ITGB2: variants seen among roughly 807,000 people sequenced by gnomAD.
ITGB2 encodes the protein integrin beta-2.
ITGB2 carries 56 observed loss-of-function variants against 86.8 expected under a neutral mutation model. That is an observed-to-expected ratio of 0.65 (90% CI 0.52 to 0.81). The LOEUF is 0.81. Among genes scored for constraint, ITGB2 ranks in the 30% least tolerant of loss-of-function variants. The pLI is 0.00. For missense variants in ITGB2, 948 were observed against 1,061.2 expected, an observed-to-expected ratio of 0.89 and a Z score of 1.48; for synonymous variants, 457 against 450.4, an observed-to-expected ratio of 1.01 and a Z score of -0.19.
intron 15 of ITGB2, 60 bp downstream of exon 15, chr21:44,886,676 G>A: frequency 6.2e-7 from 1 of 1,606,176 alleles, no homozygotes. Context: ...GCAGCAGGAG[G>A]TCGCATAGTG....
At chr21:44,910,515 C>T (rs367667976) in intron 2 of ITGB2, 143 bp from the exon 3 acceptor site, 1 of 1,527,016 alleles carries the variant, frequency 6.5e-7, no homozygotes, top group Non-Finnish European at 8.9e-7. Flanking sequence ...GCCACCACCC[C>T]CAGGTGCAAA....
At chr21:44,898,825 G>A (rs889624557) in intron 8 of ITGB2, among the ~76,000 whole-genome samples, 2 of 152,252 alleles carry the variant, frequency 1.3e-5, no homozygotes, top group African/African-American at 4.8e-5. Context: ...GCCAAGACAT[G>A]CTGTTAACAC....
intron 13 of ITGB2, 65 bp downstream of exon 13, chr21:44,889,211 G>T: frequency 6.6e-7 from 1 of 1,523,198 alleles, no homozygotes; most frequent in Non-Finnish European, 9.1e-7. Flanking sequence ...AGTGAGCCCG[G>T]CTGCTGGGTA....
In ITGB2 at chr21:44,889,323, A is replaced by G; in HGVS notation, c.1830T>C (p.Pro610=). 6.2e-7 allele frequency: 1 copy of G among 1,612,806 alleles called. No homozygotes were observed. Among genetic ancestry groups the G allele is most frequent in the Non-Finnish European group, 8.5e-7 (1 of 1,179,838 alleles). ...GGCAGCCGGGGCACTCCTGGCACAGAGGCAGCTGGTAGCCTGAATGGCACT... is the reference window on the plus strand; with the variant it reads ...GGCAGCCGGGGCACTCCTGGCACAGGGGCAGCTGGTAGCCTGAATGGCACT... ...VCECHSGYQL[P]LCQECPGCPS... The change falls in exon 13 of 16, where the codon CCT becomes CCC. Residue 610 remains proline, a synonymous_variant. Coordinates refer to ENST00000652462, the MANE Select transcript of ITGB2 (RefSeq NM_000211.5).
At chr21:44,922,506 C>CA (rs1164595837), upstream of ITGB2, among the ~76,000 whole-genome samples, 1 of 151,706 alleles carries the variant, frequency 6.6e-6, no homozygotes, top group Non-Finnish European at 1.5e-5. Context: ...CTCATCTCTA[C>CA]AAAAAAATTT....
chr21:44,899,238 G>T, intron 7 of ITGB2, 76 bp from the exon 8 acceptor site: 1 of 1,112,414 alleles, frequency 9.0e-7, no homozygotes, highest in Admixed American at 1.9e-5. Context: ...TGTCTGCCCC[G>T]CTCAGCGTCA....
In ITGB2 at chr21:44,896,609, G is replaced by A. The variant is rs115250578; in HGVS notation, c.994-1549C>T. Reference sequence around the variant, plus strand: ...GCCACCACCCTCCTCTGCGCCCTCCGCCCACCGCCCACTTCCATCCGTCCC... The same window carrying A: ...GCCACCACCCTCCTCTGCGCCCTCCACCCACCGCCCACTTCCATCCGTCCC... On this transcript the variant is annotated intron_variant, in intron 8 of 15. Transcript: ENST00000652462. 6.6e-3 allele frequency among the ~76,000 whole-genome samples: 985 copies of A among 150,080 alleles called. 4 individuals are homozygous for A. Among genetic ancestry groups the A allele is most frequent in the Non-Finnish European group, 0.01 (680 of 67,538 alleles).
rs189116683 is a variant in ITGB2 at position 44,911,829 on chromosome 21, G to A, written c.-3-1044C>T. On this transcript the variant is annotated intron_variant, in intron 1 of 15. Coordinates refer to ENST00000652462, the MANE Select transcript of ITGB2 (RefSeq NM_000211.5). The stretch of plus-strand genomic sequence containing the variant: ...GCACCTCCTAGCGGGCAGCAGGGCC[G>A]TTCCACCCCTGGGTTCCCTTCCCTC... Among the ~76,000 whole-genome samples the A allele has an allele frequency of 3.4e-3, 513 of 152,274 alleles. 1 individual carries two copies. The highest frequency in any genetic ancestry group is 9.4e-3 in the African/African-American group (391 of 41,564).
intron 1 of ITGB2, among the ~76,000 whole-genome samples, chr21:44,919,862 C>T (rs1215644110): frequency 2.6e-5 from 4 of 151,610 alleles, no homozygotes; most frequent in Non-Finnish European, 2.9e-5. Flanking sequence ...GGGGTGGTGC[C>T]AGGGGTGGAG....
chr21:44,900,603 G>T, intron 6 of ITGB2, 128 bp from the exon 7 acceptor site: 1 of 1,143,348 alleles, frequency 8.7e-7, no homozygotes, highest in Non-Finnish European at 1.3e-6. Context: ...CTTTCCCCTG[G>T]GTCTCAGGGA....
At chr21:44,911,212 A>G (rs1024163049) in intron 1 of ITGB2, 2 of 291,066 alleles carry the variant, frequency 6.9e-6, no homozygotes, top group African/African-American at 2.2e-5. Context: ...AGATGTATAC[A>G]CCCCTTACCC....
At position 44,888,835 on chromosome 21, in the gene ITGB2, C is replaced by T. The variant is rs377713804; in HGVS notation, c.1938G>A (p.Ala646=). The part of the protein sequence containing the change: ...KGPFGKNCSA[A]CPGLQLSNNP... ...TGTTCGACAGCTGCAGGCCCGGACA[C>T]GCCGCGCTGCAGTTCTTCCCAAAGG... Residue 646 remains alanine, a synonymous_variant, in exon 14 of 16, where the codon GCG becomes GCA. Transcript: ENST00000652462. 51 of 1,610,558 alleles carry T rather than the reference C, an allele frequency of 3.2e-5. No individual in the cohort carries two copies. The highest frequency in any genetic ancestry group is 2.3e-4 in the African/African-American group (17 of 75,062).
At chr21:44,893,254 G>GC in intron 10 of ITGB2, 150 bp downstream of exon 10, 1 of 876,958 alleles carries the variant, frequency 1.1e-6, no homozygotes, top group South Asian at 1.5e-5. Context: ...GCCCCTCCCT[G>GC]CCCCCGTCAG....
chr21:44,898,882 C>T (rs1219621224), intron 8 of ITGB2, among the ~76,000 whole-genome samples, 185 bp downstream of exon 8: 1 of 152,228 alleles, frequency 6.6e-6, no homozygotes, highest in African/African-American at 2.4e-5. Flanking sequence ...TATCGACACG[C>T]AGGCGTCCTG....
Position 44,901,707 on chromosome 21 carries a change from C to A in ITGB2, c.526G>T (p.Val176Leu). ...IGFGSFVDKT[V>L]LPFVNTHPDK... is the part of the protein sequence containing the mutation. ...GGGTGCGTGTTCACGAACGGCAGCA[C>A]GGTCTTGTCCACGAAGGACCCGAAG... is the stretch of plus-strand genomic sequence containing the variant. The change falls in exon 6 of 16, where the codon GTG (valine) becomes TTG (leucine). Residue 176 changes from valine to leucine, a missense_variant. By Grantham distance (32) the Val-to-Leu change is conservative. Coordinates refer to ENST00000652462, the MANE Select transcript of ITGB2 (RefSeq NM_000211.5). The A allele has an allele frequency of 6.2e-7, 1 of 1,612,164 alleles. No homozygotes were observed. Among genetic ancestry groups the A allele is most frequent in the South Asian group, 1.1e-5 (1 of 91,074 alleles).
At chr21:44,920,273 C>T (rs887776399) in intron 1 of ITGB2, among the ~76,000 whole-genome samples, 3 of 152,072 alleles carry the variant, frequency 2.0e-5, no homozygotes, top group Non-Finnish European at 2.9e-5. Context: ...ATGCCACACA[C>T]GTGCACCATA....
chr21:44,917,188 C>T (rs1200125113), intron 1 of ITGB2, among the ~76,000 whole-genome samples: 4 of 152,140 alleles, frequency 2.6e-5, no homozygotes, highest in African/African-American at 7.2e-5. Context: ...CCTGTGTAGC[C>T]GTCAACGTGT....
At chr21:44,902,778 G>A (rs2083983668) in intron 5 of ITGB2, among the ~76,000 whole-genome samples, 1 of 152,172 alleles carries the variant, frequency 6.6e-6, no homozygotes, top group South Asian at 2.1e-4. Flanking sequence ...ATTTGTGTGT[G>A]AGCGTGCATT....
At chr21:44,909,054 A>T (rs994946194) in intron 3 of ITGB2, among the ~76,000 whole-genome samples, 1 of 152,170 alleles carries the variant, frequency 6.6e-6, no homozygotes, top group Non-Finnish European at 1.5e-5. Flanking sequence ...GCAGGCGGGG[A>T]CCAGCACGGC....
Sources: gnomAD v4.1 joint callset for allele counts (sites outside exome capture counted in the v4.1 genomes callset) on GRCh38, gnomAD v4.1.1 for gene constraint, MANE v1.5 for transcripts, NCBI Gene and HGNC (gene_info 2026-07-23, HGNC 2026-07-21) for gene names.